NT5DC1: variants seen among roughly 807,000 people sequenced by gnomAD.
NT5DC1 encodes 5'-nucleotidase domain containing 1.
A neutral mutation model predicts 59.4 loss-of-function variants in NT5DC1; 42 were observed. The ratio of observed to expected loss-of-function variants is 0.71; its 90% CI spans 0.55 to 0.92. NT5DC1 has a LOEUF of 0.92. Ranked by LOEUF, NT5DC1 falls within the 40% of genes least tolerant of loss-of-function variation. NT5DC1 has a pLI of 0.00. For synonymous variants in NT5DC1, 172 were observed against 188.1 expected, an observed-to-expected ratio of 0.91 and a Z score of 0.70; for missense variants, 501 against 537.1, an observed-to-expected ratio of 0.93 and a Z score of 0.66.
intron 6 of NT5DC1, among the ~76,000 whole-genome samples, chr6:116,167,628 C>G (rs972503272): frequency 2.0e-5 from 3 of 152,126 alleles, no homozygotes; most frequent in African/African-American, 7.2e-5. Context: ...TTACTTCCTT[C>G]TTTTCTTACC....
chr6:116,166,748 T>C (rs752719827), intron 6 of NT5DC1, among the ~76,000 whole-genome samples: 1 of 152,228 alleles, frequency 6.6e-6, no homozygotes, highest in Non-Finnish European at 1.5e-5. Context: ...AGACTTTTCA[T>C]CTTTTATCTA....
intron 6 of NT5DC1, among the ~76,000 whole-genome samples, chr6:116,212,842 ATACT>A (rs1781606407): frequency 6.6e-6 from 1 of 152,128 alleles, no homozygotes; most frequent in African/African-American, 2.4e-5. Context: ...TTTGCTTTAA[ATACT>A]TGTTAATTTT....
At chr6:116,192,393 A>G (rs1301951102) in intron 6 of NT5DC1, among the ~76,000 whole-genome samples, 1 of 152,012 alleles carries the variant, frequency 6.6e-6, no homozygotes, top group East Asian at 1.9e-4. Context: ...TGCCATTTCT[A>G]CTTTAAAGGG....
In NT5DC1 at chr6:116,110,909, A is replaced by C; in HGVS notation, c.317A>C (p.Lys106Thr). 6.2e-7 allele frequency: 1 copy of C among 1,614,132 alleles called. No homozygotes were observed. Residue 106 changes from lysine (K) to threonine (T), a missense_variant, in exon 4 of 12, where the codon AAA becomes ACA. Transcript: ENST00000319550. The stretch of plus-strand genomic sequence containing the variant: ...GTGCTGGCAGAGGCATATGGCAAGA[A>C]AGAGTGGAAGCACTTCTTGTCGGAC... ...PEVLAEAYGKKEWKHFLSDTG... is the reference protein window; with the variant it reads ...PEVLAEAYGKTEWKHFLSDTG...
intron 6 of NT5DC1, among the ~76,000 whole-genome samples, chr6:116,135,870 T>C (rs7749885): frequency 0.23 from 27,916 of 119,164 alleles, 3,061 homozygotes; most frequent in South Asian, 0.31. Context: ...TATATATATA[T>C]ATACACACAT....
In NT5DC1 at chr6:116,179,875, C is replaced by A. The variant is rs77595121; in HGVS notation, c.530-41179C>A. Among the ~76,000 whole-genome samples, 1,383 of 152,216 alleles carry A rather than the reference C, an allele frequency of 9.1e-3. 111 individuals carry two copies. The East Asian group carries it at 0.19, about 21-fold the overall frequency. ...CAAAGATTCTTGATGTCATGAAAAT[C>A]ACTCTCATCCTAAAGGATTTGTTAG... is the stretch of plus-strand genomic sequence containing the variant. On this transcript the variant is annotated intron_variant, in intron 6 of 11. Coordinates refer to ENST00000319550, the MANE Select transcript of NT5DC1 (RefSeq NM_152729.3).
At position 116,247,207 on chromosome 6, in the gene NT5DC1, A is replaced by G. The variant is rs2114571825; in HGVS notation, c.*3183A>G. On this transcript the variant is annotated 3_prime_UTR_variant, in exon 12 of 12. Coordinates refer to ENST00000319550, the MANE Select transcript of NT5DC1 (RefSeq NM_152729.3). ...TTCAATTTAGCAATAATGTCGTGCT[A>G]GGACATGAGAGGGATTAACATTGAA... 4 of 152,322 alleles carry G rather than the reference A, an allele frequency of 2.6e-5. No individual in the cohort carries two copies. The South Asian group carries it at 8.3e-4, about 32-fold the overall frequency. 9.4% of individuals were successfully genotyped at this position (152,322 alleles called of 1,614,324 possible).
chr6:116,121,430 C>G (rs202057046), intron 6 of NT5DC1: 3 of 1,614,156 alleles, frequency 1.9e-6, no homozygotes, highest in Non-Finnish European at 2.5e-6. Context: ...GCCTGGCTGT[C>G]CTGGAACCCC....
chr6:116,148,145 C>T (rs1477432017), intron 6 of NT5DC1, among the ~76,000 whole-genome samples: 2 of 152,050 alleles, frequency 1.3e-5, no homozygotes, highest in Non-Finnish European at 2.9e-5. Context: ...CAGAATATCT[C>T]ATATTCCTTG....
At chr6:116,223,286 T>C (rs1180069712) in intron 8 of NT5DC1, among the ~76,000 whole-genome samples, 155 bp downstream of exon 8, 2 of 152,230 alleles carry the variant, frequency 1.3e-5, no homozygotes, top group Non-Finnish European at 2.9e-5. Context: ...ATGCTACCGC[T>C]TTATATCACA....
rs952543876 is a variant in NT5DC1 at position 116,245,392 on chromosome 6, T to A, written c.*1368T>A. The A allele has an allele frequency of 6.6e-6, 1 of 152,600 alleles. No homozygotes were observed. The highest frequency in any genetic ancestry group is 1.5e-5 in the Non-Finnish European group (1 of 68,010). The allele number at this position is 152,600 out of a possible 1,614,324, so 9.5% of individuals were successfully genotyped here. ...TGCATGCAATGGAAAGAAAAAAAAT[T>A]TGTTAAAATTTGTAAATGTTCAGCT... is the stretch of plus-strand genomic sequence containing the variant. On this transcript the variant is annotated 3_prime_UTR_variant, in exon 12 of 12. Coordinates refer to ENST00000319550, the MANE Select transcript of NT5DC1 (RefSeq NM_152729.3).
chr6:116,221,948 G>A (rs1311461937), intron 7 of NT5DC1, among the ~76,000 whole-genome samples: 2 of 152,178 alleles, frequency 1.3e-5, no homozygotes, highest in African/African-American at 4.8e-5. Flanking sequence ...TGGTCAAAGC[G>A]AGATTCTACC....
intron 11 of NT5DC1, among the ~76,000 whole-genome samples, chr6:116,243,061 G>C (rs1302819586): frequency 6.6e-6 from 1 of 152,204 alleles, no homozygotes; most frequent in African/African-American, 2.4e-5. Flanking sequence ...TGACACTTCA[G>C]TCTCGTGTTT....
chr6:116,119,757 A>AT (rs530914126), intron 6 of NT5DC1: 8,123 of 219,046 alleles, frequency 0.037, 147 homozygotes, highest in Non-Finnish European at 0.045. Flanking sequence ...TTTTTTTTTA[A>AT]TTTTTTTTTT....
intron 6 of NT5DC1, among the ~76,000 whole-genome samples, chr6:116,143,286 T>C (rs960657999): frequency 2.6e-5 from 4 of 152,066 alleles, no homozygotes; most frequent in Non-Finnish European, 5.9e-5. Flanking sequence ...TTTTGGCTCA[T>C]TGCAACCTCC....
intron 6 of NT5DC1, among the ~76,000 whole-genome samples, chr6:116,183,324 T>C (rs1410287123): frequency 6.6e-6 from 1 of 152,084 alleles, no homozygotes; most frequent in Non-Finnish European, 1.5e-5. Flanking sequence ...TCCAGATTTG[T>C]TCTTTTTGCT....
In NT5DC1 at chr6:116,220,427, G is replaced by A. The variant is rs1225202557; in HGVS notation, c.530-627G>A. On this transcript the variant is annotated intron_variant, in intron 6 of 11. Transcript: ENST00000319550. ...CTAAAGGGGCAGAGCAAGCAACCCC[G>A]CTTCAGTGATGCGAGTCATTCATTG... Among the ~76,000 whole-genome samples, 2 of 152,122 alleles carry A rather than the reference G, an allele frequency of 1.3e-5. 1 individual carries two copies. The highest frequency in any genetic ancestry group is 1.3e-4 in the Admixed American group (2 of 15,268).
chr6:116,196,436 T>C (rs1025114977), intron 6 of NT5DC1, among the ~76,000 whole-genome samples: 2 of 152,038 alleles, frequency 1.3e-5, no homozygotes, highest in Non-Finnish European at 2.9e-5. Context: ...TCTAAATTTT[T>C]CCCCAAACTA....
intron 4 of NT5DC1, among the ~76,000 whole-genome samples, chr6:116,111,352 C>T (rs1409880622): frequency 6.6e-6 from 1 of 152,162 alleles, no homozygotes; most frequent in Non-Finnish European, 1.5e-5. Context: ...GATTATCTTC[C>T]TTACTGCCAG....
Sources: gnomAD v4.1 joint callset for allele counts (sites outside exome capture counted in the v4.1 genomes callset) on GRCh38, gnomAD v4.1.1 for gene constraint, MANE v1.5 for transcripts, NCBI Gene and HGNC (gene_info 2026-07-23, HGNC 2026-07-21) for gene names.